ZNF517: variants seen among roughly 807,000 people sequenced by gnomAD.
The protein encoded by ZNF517 is zinc finger protein 517.
In ZNF517, 12 loss-of-function variants were observed where a neutral mutation model predicts 12.1. The observed-to-expected ratio is 0.99, with a 90% CI of 0.63 to 1.61. The LOEUF is 1.61. ZNF517 is among the 40% of genes most tolerant of loss of function. The pLI is 0.00. For missense variants in ZNF517, 781 were observed against 693.2 expected, an observed-to-expected ratio of 1.13 and a Z score of -1.42; for synonymous variants, 388 against 310.2, an observed-to-expected ratio of 1.25 and a Z score of -2.63.
chr8:144,803,735 T>C lies in ZNF517; in HGVS notation c.128T>C (p.Met43Thr). The change falls in exon 3 of 5, where the codon ATG (methionine) becomes ACG (threonine). Residue 43 changes from methionine to threonine, a missense_variant. Physicochemically the swap from Met to Thr is moderately conservative, Grantham distance 81. Transcript: ENST00000359971. The stretch of plus-strand genomic sequence containing the variant: ...CAGCAGGCACTCTACAGGGACGTGA[T>C]GCTGGAGAACTATGGGAACCTGGCC... ...PDQQALYRDV[M>T]LENYGNLASL... The C allele has an allele frequency of 6.2e-7, 1 of 1,614,192 alleles. No homozygotes were observed. The highest frequency in any genetic ancestry group is 2.2e-5 in the East Asian group (1 of 44,890).
At chr8:144,812,026 A>G (rs1157993117), downstream of ZNF517, among the ~76,000 whole-genome samples, 1 of 138,750 alleles carries the variant, frequency 7.2e-6, no homozygotes, top group East Asian at 2.3e-4. Context: ...AGACACCGAC[A>G]GTAAAGCTCA....
At chr8:144,804,295 G>A (rs1431815882) in intron 4 of ZNF517, 57 bp downstream of exon 4, 10 of 1,388,878 alleles carry the variant, frequency 7.2e-6, no homozygotes, top group South Asian at 2.6e-5. Context: ...CCTGGCCTCC[G>A]GGCAGCTCTG....
At position 144,808,487 on chromosome 8, in the gene ZNF517, G is replaced by A. The variant is rs1011899994; in HGVS notation, c.*92G>A. The A allele has an allele frequency of 5.1e-6, 7 of 1,381,994 alleles. No individual in the cohort carries two copies. In the South Asian group the frequency reaches 9.1e-5, roughly 18 times the overall value. The allele number at this position is 1,381,994 out of a possible 1,614,324, so 85.6% of individuals were successfully genotyped here. On this transcript the variant is annotated 3_prime_UTR_variant, in exon 5 of 5. Transcript: ENST00000359971. ...AAATTCAGAACCCCCTGTCCTGAAGGTGAAGCAAAGTCTAAAGAAAGGGCC... is the reference window on the plus strand; with the variant it reads ...AAATTCAGAACCCCCTGTCCTGAAGATGAAGCAAAGTCTAAAGAAAGGGCC...
At chr8:144,810,587 G>T, downstream of ZNF517, 1 of 214,488 alleles carries the variant, frequency 4.7e-6, no homozygotes, top group Non-Finnish European at 9.3e-6. Context: ...CGAAGGTCAG[G>T]GCCAGCCTGG....
intron 1 of ZNF517, chr8:144,800,637 C>T: frequency 1.0e-6 from 1 of 985,376 alleles, no homozygotes; most frequent in South Asian, 4.7e-5. Flanking sequence ...CCTGGACAGA[C>T]AGTGAGTGGG....
rs1286747803 is a variant in ZNF517 at position 144,809,444 on chromosome 8, G to C, written c.*1049G>C. 6.6e-6 allele frequency: 1 copy of C among 152,270 alleles called. No homozygotes were observed. Among genetic ancestry groups the C allele is most frequent in the East Asian group, 1.9e-4 (1 of 5,164 alleles). The allele number at this position is 152,270 out of a possible 1,614,324, so 9.4% of individuals were successfully genotyped here. On this transcript the variant is annotated 3_prime_UTR_variant, in exon 5 of 5. Transcript: ENST00000359971. ...CAGCGTGGGCAGGCACATCCACTTG[G>C]TTGGGGACCCAGATGGAACACAAAG...
chr8:144,802,989 T>C, intron 2 of ZNF517, 42 bp downstream of exon 2: 1 of 1,612,662 alleles, frequency 6.2e-7, no homozygotes, highest in Non-Finnish European at 8.5e-7. Context: ...AGGAGACTGC[T>C]TCGCCCCTAG....
chr8:144,806,953 C>G (rs1421154596), intron 4 of ZNF517, among the ~76,000 whole-genome samples: 2 of 150,056 alleles, frequency 1.3e-5, no homozygotes, highest in African/African-American at 4.9e-5. Context: ...CAGTCTCACT[C>G]TTTCGCCCAG....
In ZNF517 at chr8:144,804,233, G is replaced by A; in HGVS notation, c.269G>A (p.Cys90Tyr). ...AEQSVAKASLCTDSRMEAGIM... is the reference protein window; with the variant it reads ...AEQSVAKASLYTDSRMEAGIM... The stretch of plus-strand genomic sequence containing the variant: ...CAGAGCGTGGCCAAAGCCAGCCTGT[G>A]CACAGGTGAGTACAAAGCACCCACA... The change falls in exon 4 of 5, where the codon TGC becomes TAC. Residue 90 changes from cysteine (C) to tyrosine (Y), a missense_variant. Coordinates refer to ENST00000359971, the MANE Select transcript of ZNF517 (RefSeq NM_213605.3). 1 of 1,613,202 alleles carries A rather than the reference G, an allele frequency of 6.2e-7. No individual in the cohort carries two copies. The highest frequency in any genetic ancestry group is 1.1e-5 in the South Asian group (1 of 90,928).
At chr8:144,807,121 C>G in intron 4 of ZNF517, 70 bp from the exon 5 acceptor site, 1 of 1,497,100 alleles carries the variant, frequency 6.7e-7, no homozygotes, top group Non-Finnish European at 8.9e-7. Context: ...AAGGTTATGT[C>G]TTCAAACAAG....
intron 4 of ZNF517, among the ~76,000 whole-genome samples, chr8:144,805,390 G>A (rs1202983303): frequency 6.6e-6 from 1 of 152,226 alleles, no homozygotes; most frequent in Non-Finnish European, 1.5e-5. Context: ...GAGAGCAGTG[G>A]CGCGATCTCA....
downstream of ZNF517, chr8:144,810,183 G>A (rs959763800): frequency 8.6e-6 from 6 of 698,754 alleles, no homozygotes; most frequent in Admixed American, 4.0e-5. Context: ...AGAGAAGGGT[G>A]TGGCCGGAAG....
chr8:144,799,462 G>C (rs1035406153), intron 1 of ZNF517, among the ~76,000 whole-genome samples: 1 of 152,188 alleles, frequency 6.6e-6, no homozygotes, highest in East Asian at 1.9e-4. Context: ...CGCAGTGAGC[G>C]AACAGCCCGC....
rs771198598 is a variant in ZNF517 at position 144,807,830 on chromosome 8, A to C, written c.914A>C (p.Asn305Thr). 8.1e-6 allele frequency: 13 copies of C among 1,605,560 alleles called. No homozygotes were observed. Among genetic ancestry groups the C allele is most frequent in the Non-Finnish European group, 1.1e-5 (13 of 1,176,506 alleles). Residue 305 changes from asparagine to threonine, a missense_variant, in exon 5 of 5, where the codon AAC (asparagine) becomes ACC (threonine). Physicochemically the swap from Asn to Thr is moderately conservative, Grantham distance 65. Transcript: ENST00000359971. Reference sequence around the variant, plus strand: ...GCGTTCTGCCGCAGGTTCACCCTCAACGAGCACGGCCGCATCCACAGCGGG... The same window carrying C: ...GCGTTCTGCCGCAGGTTCACCCTCACCGAGCACGGCCGCATCCACAGCGGG... Reference protein sequence around the residue: ...GKAFCRRFTLNEHGRIHSGER... With the variant: ...GKAFCRRFTLTEHGRIHSGER...
Position 144,808,099 on chromosome 8 carries a change from C to T in ZNF517, c.1183C>T (p.Pro395Ser). 1 of 1,612,170 alleles carries T rather than the reference C, an allele frequency of 6.2e-7. No homozygotes were observed. The highest frequency in any genetic ancestry group is 8.5e-7 in the Non-Finnish European group (1 of 1,179,526). ...LHLRLHTGEKPFECAECGKAF... is the reference protein window; with the variant it reads ...LHLRLHTGEKSFECAECGKAF... ...CCTGCGCCTACACACGGGCGAGAAG[C>T]CGTTCGAGTGCGCGGAGTGCGGCAA... Residue 395 changes from proline to serine, a missense_variant, in exon 5 of 5, where the codon CCG (proline) becomes TCG (serine). Coordinates refer to ENST00000359971, the MANE Select transcript of ZNF517 (RefSeq NM_213605.3).
chr8:144,811,533 C>G (rs35770670), downstream of ZNF517, among the ~76,000 whole-genome samples: 11 of 117,944 alleles, frequency 9.3e-5, no homozygotes, highest in African/African-American at 3.2e-4. Context: ...GGAGAGACAC[C>G]GACAGTAAAG....
At chr8:144,800,077 C>G (rs2976645) in intron 1 of ZNF517, among the ~76,000 whole-genome samples, 11,588 of 152,140 alleles carry the variant, frequency 0.076, 996 homozygotes, top group African/African-American at 0.21. Context: ...CGTAGTGAGC[C>G]GGGTGCCCCA....
At chr8:144,798,990 G>T (rs1293410754) in intron 1 of ZNF517, 53 bp downstream of exon 1, 1 of 152,176 alleles carries the variant, frequency 6.6e-6, no homozygotes, top group African/African-American at 2.4e-5. Context: ...GGTCCTCCGA[G>T]CCCGGCCTGG....
chr8:144,800,033 C>T (rs185598324), intron 1 of ZNF517, among the ~76,000 whole-genome samples: 10 of 152,232 alleles, frequency 6.6e-5, no homozygotes, highest in Admixed American at 5.9e-4. Context: ...AACTCCCAGG[C>T]GGGGGAACAG....
Sources: gnomAD v4.1 joint callset for allele counts (sites outside exome capture counted in the v4.1 genomes callset) on GRCh38, gnomAD v4.1.1 for gene constraint, MANE v1.5 for transcripts, NCBI Gene and HGNC (gene_info 2026-07-23, HGNC 2026-07-21) for gene names.